ZNF362: variants seen among roughly 807,000 people sequenced by gnomAD.
ZNF362 encodes zinc finger protein 362, also known as rotund homolog.
In ZNF362, 11 loss-of-function variants were observed where a neutral mutation model predicts 42.9. The observed-to-expected ratio is 0.26, with a 90% CI of 0.16 to 0.42. ZNF362 has a LOEUF of 0.42. Among genes scored for constraint, ZNF362 ranks in the 20% least tolerant of loss-of-function variants. The pLI, the probability that ZNF362 is intolerant of heterozygous loss-of-function variation, is 1.00. For missense variants in ZNF362, 362 were observed against 576.2 expected (o/e 0.63, Z 3.81); for synonymous variants, 255 against 257.3 (o/e 0.99, Z 0.09).
chr1:33,247,174 A>G, the ZNF362 span, among the ~76,000 whole-genome samples: 4 of 152,222 alleles, frequency 2.6e-5, no homozygotes, highest in African/African-American at 4.8e-5. Context: ...TTGCTGGTCT[A>G]TGGTGGATTT....
At chr1:33,178,396 T>C in the ZNF362 span, among the ~76,000 whole-genome samples, 3 of 152,100 alleles carry the variant, frequency 2.0e-5, no homozygotes, top group Admixed American at 1.3e-4. Flanking sequence ...CAGCACATCC[T>C]CTCTAGATGG....
At chr1:33,162,820 C>T in the ZNF362 span, 3 of 152,288 alleles carry the variant, frequency 2.0e-5, no homozygotes, top group African/African-American at 7.2e-5. Flanking sequence ...AGCCATAGCT[C>T]TTGCAGGACA....
the ZNF362 span, among the ~76,000 whole-genome samples, chr1:33,185,590 AC>A: frequency 6.6e-6 from 1 of 152,072 alleles, no homozygotes; most frequent in Non-Finnish European, 1.5e-5. Flanking sequence ...TCTTCTCTTG[AC>A]CTTATTCCAT....
chr1:33,167,617 G>A, the ZNF362 span, among the ~76,000 whole-genome samples: 20 of 152,276 alleles, frequency 1.3e-4, no homozygotes, highest in Middle Eastern at 6.8e-3. This position sits in a 1 kb window ranked among gnomAD's most constrained non-coding sequence, Gnocchi z 4.2. Flanking sequence ...CGCTTGCTGC[G>A]TGAATGAAGT....
chr1:33,287,075 A>G (rs1456493581), intron 6 of ZNF362, among the ~76,000 whole-genome samples: 2 of 152,252 alleles, frequency 1.3e-5, no homozygotes, highest in African/African-American at 4.8e-5. Flanking sequence ...AGGGACTTGC[A>G]AAGTGTTGAA....
At position 33,281,665 on chromosome 1, in the gene ZNF362, C is replaced by T. The variant is rs201559129; in HGVS notation, c.762C>T (p.Pro254=). 1 of 1,614,246 alleles carries T rather than the reference C, an allele frequency of 6.2e-7. No individual in the cohort carries two copies. ...IHSKSHTEAK[P]HKCPHCSKSF... Reference sequence around the variant, plus strand: ...CCAAGTCGCACACAGAGGCCAAGCCCCACAAGTGCCCGCACTGCTCCAAGT... The same window carrying T: ...CCAAGTCGCACACAGAGGCCAAGCCTCACAAGTGCCCGCACTGCTCCAAGT... Residue 254 remains proline (P), a synonymous_variant, in exon 6 of 9, where the codon CCC becomes CCT. Coordinates refer to ENST00000539719, the MANE Select transcript of ZNF362 (RefSeq NM_152493.3). The surrounding 1 kb of genome is among the most constrained non-coding windows in gnomAD (Gnocchi z 4.8).
At chr1:33,142,459 C>T in the ZNF362 span, 5 of 152,378 alleles carry the variant, frequency 3.3e-5, no homozygotes, top group Admixed American at 2.6e-4. Context: ...TAACGTTAGA[C>T]TTACAGAATC....
chr1:33,221,132 G>T, the ZNF362 span, among the ~76,000 whole-genome samples: 1 of 152,238 alleles, frequency 6.6e-6, no homozygotes, highest in African/African-American at 2.4e-5. Flanking sequence ...TGGAGGGCAA[G>T]ACCCGGTGTT....
chr1:33,290,328 C>T (rs1210989016), intron 6 of ZNF362, among the ~76,000 whole-genome samples: 1 of 151,632 alleles, frequency 6.6e-6, no homozygotes, highest in Non-Finnish European at 1.5e-5. Flanking sequence ...GTTTTTTGTC[C>T]TTGCGATAGT....
chr1:33,194,718 C>T, the ZNF362 span: 4 of 151,748 alleles, frequency 2.6e-5, no homozygotes, highest in Non-Finnish European at 5.9e-5. Context: ...TATAATGTAC[C>T]TACCTCATGG....
chr1:33,218,970 CACACACACA>C, the ZNF362 span, among the ~76,000 whole-genome samples: 4 of 148,710 alleles, frequency 2.7e-5, no homozygotes, highest in African/African-American at 9.8e-5. Context: ...CACACACACA[CACACACACA>C]CATACACCAC....
chr1:33,162,968 AG>A, the ZNF362 span: 1 of 152,150 alleles, frequency 6.6e-6, no homozygotes, highest in South Asian at 2.1e-4. Flanking sequence ...CTCACTGATA[AG>A]ATTGAGATAA....
chr1:33,131,339 G>A, the ZNF362 span, among the ~76,000 whole-genome samples: 1 of 152,170 alleles, frequency 6.6e-6, no homozygotes, highest in Non-Finnish European at 1.5e-5. Flanking sequence ...TCATAACTTG[G>A]TTGCAGAGAA....
At chr1:33,256,866 G>T (rs895527198) in intron 1 of ZNF362, among the ~76,000 whole-genome samples, 1 of 149,586 alleles carries the variant, frequency 6.7e-6, no homozygotes, top group African/African-American at 2.4e-5. Flanking sequence ...CGCGGGGTAG[G>T]AAGTGTCTCC....
At chr1:33,259,011 C>A (rs150946915) in intron 1 of ZNF362, among the ~76,000 whole-genome samples, 7 of 152,298 alleles carry the variant, frequency 4.6e-5, no homozygotes, top group African/African-American at 1.7e-4. Context: ...AATTCTTCTG[C>A]TGAACCCAGT....
the ZNF362 span, among the ~76,000 whole-genome samples, chr1:33,130,565 C>A: frequency 6.6e-6 from 1 of 152,196 alleles, no homozygotes; most frequent in African/African-American, 2.4e-5. Flanking sequence ...CTCCCCCAGG[C>A]AAGCCTTAGA....
chr1:33,138,703 G>T, the ZNF362 span, among the ~76,000 whole-genome samples: 6 of 151,574 alleles, frequency 4.0e-5, no homozygotes, highest in South Asian at 1.3e-3. Context: ...AGTTATCTCT[G>T]GACAGTGGCT....
chr1:33,259,209 C>T (rs1645813571), intron 1 of ZNF362, among the ~76,000 whole-genome samples: 1 of 152,228 alleles, frequency 6.6e-6, no homozygotes, highest in Non-Finnish European at 1.5e-5. Flanking sequence ...CAATGAGCCC[C>T]TCTACCCATT....
intron 8 of ZNF362, among the ~76,000 whole-genome samples, chr1:33,298,659 A>G (rs1646141708): frequency 6.6e-6 from 1 of 152,184 alleles, no homozygotes; most frequent in Non-Finnish European, 1.5e-5. Flanking sequence ...ACCCAGCTAC[A>G]TCCAGGTGGC....
Sources: allele counts gnomAD v4.1 joint callset (sites outside exome capture counted in the v4.1 genomes callset), GRCh38; gene constraint gnomAD v4.1.1; non-coding constraint Gnocchi (gnomAD v3.1); transcripts MANE v1.5; gene names NCBI Gene and HGNC (gene_info 2026-07-23, HGNC 2026-07-21).